The following CFAP20DC variants were observed in gnomAD, a reference collection of about 807,000 sequenced individuals.
CFAP20DC encodes the protein CFAP20 domain containing.
A neutral mutation model predicts 101.7 loss-of-function variants in CFAP20DC; 84 were observed. That is an observed-to-expected ratio of 0.83 (90% CI 0.69 to 0.99). CFAP20DC has a LOEUF of 0.99. Ranked by LOEUF, CFAP20DC falls within the 50% of genes least tolerant of loss-of-function variation. CFAP20DC has a pLI of 0.00. For missense variants in CFAP20DC, 1,007 were observed against 970.3 expected (o/e 1.04, Z -0.50); for synonymous variants, 359 against 351.2 (o/e 1.02, Z -0.25).
intron 13 of CFAP20DC, 42 bp downstream of exon 13, chr3:58,848,990 G>A: frequency 1.1e-5 from 17 of 1,519,024 alleles, no homozygotes; most frequent in Non-Finnish European, 1.4e-5. Flanking sequence ...AACACAGCAG[G>A]ATGTATTGCC....
In CFAP20DC at chr3:58,938,418, G is replaced by C. The variant is rs2088017390; in HGVS notation, c.279-656C>G. ...CAAATTGATAGAGGCTCATTTTTAT[G>C]TTCTCCTTCCTTTAGGTCTCAGAGG... On this transcript the variant is annotated intron_variant, in intron 4 of 16. Coordinates refer to ENST00000482387, the MANE Select transcript of CFAP20DC (RefSeq NM_001394063.1). 2.0e-5 allele frequency among the ~76,000 whole-genome samples: 3 copies of C among 152,088 alleles called. No individual in the cohort carries two copies. The South Asian group carries it at 6.2e-4, about 32-fold the overall frequency.
intron 15 of CFAP20DC, among the ~76,000 whole-genome samples, chr3:58,784,432 C>T (rs541028926): frequency 6.6e-6 from 1 of 152,026 alleles, no homozygotes; most frequent in South Asian, 2.1e-4. Context: ...TCAGTACCTG[C>T]GTAATGGGAT....
chr3:58,994,197 T>C (rs1229618442), intron 4 of CFAP20DC, among the ~76,000 whole-genome samples: 1 of 152,206 alleles, frequency 6.6e-6, no homozygotes, highest in African/African-American at 2.4e-5. Context: ...CAAACACATG[T>C]ATACCTTGCA....
Position 58,870,614 on chromosome 3 carries a change from C to T in CFAP20DC, c.716-305G>A, listed in dbSNP as rs1372935393. ...TTAAAAAAAAAAAGAAAGGGCCGGG[C>T]GCGGTGGCTCACGCCTGTAATCCCA... On this transcript the variant is annotated intron_variant, in intron 7 of 16. Transcript: ENST00000482387. Among the ~76,000 whole-genome samples the T allele has an allele frequency of 7.3e-5, 11 of 150,914 alleles. No homozygotes were observed. In the East Asian group the frequency reaches 1.9e-3, roughly 27 times the overall value.
chr3:58,801,939 G>A (rs2073741194), intron 15 of CFAP20DC, among the ~76,000 whole-genome samples: 1 of 152,122 alleles, frequency 6.6e-6, no homozygotes, highest in Non-Finnish European at 1.5e-5. Flanking sequence ...TGCTGTTTGG[G>A]TATTCTGAAT....
chr3:58,761,111 T>C (rs1475167508), intron 15 of CFAP20DC, among the ~76,000 whole-genome samples: 3 of 152,228 alleles, frequency 2.0e-5, no homozygotes, highest in South Asian at 2.1e-4. Context: ...GAAGGAATGG[T>C]AGCAGCTCCT....
chr3:58,822,508 AGT>A, intron 14 of CFAP20DC, among the ~76,000 whole-genome samples: 1 of 151,202 alleles, frequency 6.6e-6, no homozygotes, highest in African/African-American at 2.4e-5. Flanking sequence ...TAGTGGGTGT[AGT>A]GCACCAGCAT....
rs1253285518 is a variant in CFAP20DC, at chr3:58,849,381, C to A, written c.1622G>T (p.Gly541Val). Residue 541 changes from glycine (G) to valine (V), a missense_variant, in exon 13 of 17, where the codon GGC becomes GTC. By Grantham distance (109) the Gly-to-Val change is moderately radical (BLOSUM62 -3). Coordinates refer to ENST00000482387, the MANE Select transcript of CFAP20DC (RefSeq NM_001394063.1). ...EGNHSIQGSRGPTTGPSELTQ... is the reference protein window; with the variant it reads ...EGNHSIQGSRVPTTGPSELTQ... The stretch of plus-strand genomic sequence containing the variant: ...TAACTCTGAAGGACCAGTTGTTGGG[C>A]CTCGAGAACCCTGGATACTGTGGTT... 6.5e-7 allele frequency: 1 copy of A among 1,534,908 alleles called. No homozygotes were observed. Among genetic ancestry groups the A allele is most frequent in the Non-Finnish European group, 8.7e-7 (1 of 1,146,432 alleles).
At chr3:58,850,183 T>C (rs552246856) in intron 12 of CFAP20DC, among the ~76,000 whole-genome samples, 2 of 152,262 alleles carry the variant, frequency 1.3e-5, no homozygotes, top group Admixed American at 1.3e-4. Context: ...AAATGAGAAA[T>C]GTAGTGCTAT....
At chr3:58,762,968 A>G (rs1214368846) in intron 15 of CFAP20DC, among the ~76,000 whole-genome samples, 1 of 152,140 alleles carries the variant, frequency 6.6e-6, no homozygotes, top group East Asian at 1.9e-4. Flanking sequence ...GCTGCCCTTA[A>G]CATTTTTTCC....
At chr3:58,986,976 TAAGTA>T (rs534849637) in intron 4 of CFAP20DC, among the ~76,000 whole-genome samples, 1 of 152,044 alleles carries the variant, frequency 6.6e-6, no homozygotes, top group Non-Finnish European at 1.5e-5. Flanking sequence ...AAAACTATAA[TAAGTA>T]AATAGGATAC....
chr3:58,907,888 T>C (rs1472047220), intron 6 of CFAP20DC, among the ~76,000 whole-genome samples: 6 of 152,176 alleles, frequency 3.9e-5, no homozygotes, highest in Admixed American at 6.5e-5. Context: ...TGAACCATAG[T>C]GTGCTTCCCC....
At chr3:58,927,041 C>T (rs1314627612) in intron 5 of CFAP20DC, among the ~76,000 whole-genome samples, 2 of 152,164 alleles carry the variant, frequency 1.3e-5, no homozygotes, top group Non-Finnish European at 2.9e-5. Context: ...TGAGTCTCAA[C>T]TAAGTGGGTA....
intron 4 of CFAP20DC, among the ~76,000 whole-genome samples, chr3:58,973,299 C>T (rs1048029621): frequency 6.6e-6 from 1 of 152,204 alleles, no homozygotes. Flanking sequence ...ACACCACCTC[C>T]CAATGGCTCA....
At chr3:59,019,499 C>T (rs1208932890) in intron 4 of CFAP20DC, among the ~76,000 whole-genome samples, 1 of 151,792 alleles carries the variant, frequency 6.6e-6, no homozygotes, top group African/African-American at 2.4e-5. Flanking sequence ...AAGATGAAAG[C>T]AGCCTAGGTC....
intron 16 of CFAP20DC, among the ~76,000 whole-genome samples, chr3:58,747,439 C>G (rs142874488): frequency 6.6e-6 from 1 of 152,106 alleles, no homozygotes; most frequent in African/African-American, 2.4e-5. Flanking sequence ...TAATAGAAAA[C>G]CTACACACCC....
chr3:59,024,166 C>T (rs2093852884), intron 4 of CFAP20DC, among the ~76,000 whole-genome samples: 1 of 152,062 alleles, frequency 6.6e-6, no homozygotes, highest in South Asian at 2.1e-4. Flanking sequence ...AAGTATACCA[C>T]AGAACAAACT....
chr3:58,769,234 C>T (rs1014821578), intron 15 of CFAP20DC, among the ~76,000 whole-genome samples: 2 of 152,150 alleles, frequency 1.3e-5, no homozygotes, highest in African/African-American at 4.8e-5. Flanking sequence ...TCTTCATTGG[C>T]TGAGTGCCAT....
chr3:58,998,625 GAT>G (rs1385236936), intron 4 of CFAP20DC, among the ~76,000 whole-genome samples: 1 of 151,874 alleles, frequency 6.6e-6, no homozygotes, highest in Non-Finnish European at 1.5e-5. Flanking sequence ...TGTGGAGGAG[GAT>G]ATAGCCCCAC....
Sources: gnomAD v4.1 joint callset for allele counts (sites outside exome capture counted in the v4.1 genomes callset) on GRCh38, gnomAD v4.1.1 for gene constraint, MANE v1.5 for transcripts, NCBI Gene and HGNC (gene_info 2026-07-23, HGNC 2026-07-21) for gene names.